Variants in CACNA1E observed in about 807,000 individuals in gnomAD.
The protein encoded by CACNA1E is calcium voltage-gated channel subunit alpha1 E.
CACNA1E carries 40 observed loss-of-function variants against 259.2 expected under a neutral mutation model. That is an observed-to-expected ratio of 0.15 (90% CI 0.12 to 0.20). The LOEUF is 0.20. Ranked by LOEUF, CACNA1E falls within the 10% of genes least tolerant of loss-of-function variation. The pLI is 1.00. For synonymous variants in CACNA1E, 1,104 were observed against 1,138.5 expected (o/e 0.97, Z 0.61); for missense variants, 1,874 against 3,040.1 (o/e 0.62, Z 9.02).
At chr1:181,439,026 T>A (rs1660271844) in intron 2 of CACNA1E, among the ~76,000 whole-genome samples, 1 of 152,118 alleles carries the variant, frequency 6.6e-6, no homozygotes, top group African/African-American at 2.4e-5. Context: ...TTCACAACAG[T>A]GTTGAGTAAA....
intron 6 of CACNA1E, among the ~76,000 whole-genome samples, chr1:181,619,135 C>T (rs3845436): frequency 0.42 from 63,306 of 151,606 alleles, 16,422 homozygotes; most frequent in East Asian, 0.85. Context: ...AAAAATAAAA[C>T]AGATAAATCA....
At chr1:181,511,943 A>G (rs1201515713) in intron 3 of CACNA1E, among the ~76,000 whole-genome samples, 2 of 152,196 alleles carry the variant, frequency 1.3e-5, no homozygotes, top group Admixed American at 6.5e-5. Context: ...GTTGGAGAAG[A>G]CCTCAGCCAT....
At chr1:181,608,708 G>C (rs1654463748) in intron 6 of CACNA1E, among the ~76,000 whole-genome samples, 1 of 152,182 alleles carries the variant, frequency 6.6e-6, no homozygotes, top group Non-Finnish European at 1.5e-5. Context: ...GGATTGCTTT[G>C]CTCGATGCCA....
intron 18 of CACNA1E, among the ~76,000 whole-genome samples, chr1:181,727,154 A>G (rs72735232): frequency 0.015 from 2,334 of 152,322 alleles, 34 homozygotes; most frequent in Non-Finnish European, 0.019. Context: ...TGATTGGGGA[A>G]GGTTGTTCGC....
chr1:181,700,399 C>T (rs1254639711), intron 7 of CACNA1E, among the ~76,000 whole-genome samples: 1 of 152,178 alleles, frequency 6.6e-6, no homozygotes, highest in East Asian at 1.9e-4. Flanking sequence ...TGCTTCTTGT[C>T]TGGTGGCTGC....
At chr1:181,417,164 C>T (rs1571817038) in intron 2 of CACNA1E, among the ~76,000 whole-genome samples, 1 of 152,156 alleles carries the variant, frequency 6.6e-6, no homozygotes, top group East Asian at 1.9e-4. Context: ...TTACTGCATC[C>T]ACAAGACACT....
At chr1:181,642,904 AT>A (rs1558219217) in intron 6 of CACNA1E, among the ~76,000 whole-genome samples, 1 of 151,618 alleles carries the variant, frequency 6.6e-6, no homozygotes, top group African/African-American at 2.4e-5. Context: ...TCTAATAATC[AT>A]TTTTTTCAAA....
chr1:181,543,746 A>G (rs915873611), intron 3 of CACNA1E, among the ~76,000 whole-genome samples: 2 of 152,250 alleles, frequency 1.3e-5, no homozygotes, highest in African/African-American at 2.4e-5. Flanking sequence ...GCAAGGCAAC[A>G]TCATTAGCCA....
At chr1:181,478,727 G>A (rs533104647), upstream of CACNA1E, among the ~76,000 whole-genome samples, 20 of 152,342 alleles carry the variant, frequency 1.3e-4, no homozygotes, top group East Asian at 3.7e-3. Context: ...CTCAGTGATG[G>A]GTGAAAAATC....
In CACNA1E at chr1:181,558,671, G is replaced by A. The variant is rs1648994128; in HGVS notation, c.513-19095G>A. Among the ~76,000 whole-genome samples the A allele has an allele frequency of 2.6e-5, 4 of 152,206 alleles. No individual in the cohort carries two copies. The South Asian group carries it at 8.3e-4, about 32-fold the overall frequency. On this transcript the variant is annotated intron_variant, in intron 3 of 47. Coordinates refer to ENST00000367573, the MANE Select transcript of CACNA1E (RefSeq NM_001205293.3). The stretch of plus-strand genomic sequence containing the variant: ...GGCGTGGCAAGAGGCTGGAAGACAA[G>A]GTGGAAGACAGATCATGACATTATT...
At chr1:181,394,509 G>A (rs754743310) in intron 1 of CACNA1E, among the ~76,000 whole-genome samples, 1 of 152,116 alleles carries the variant, frequency 6.6e-6, no homozygotes. Flanking sequence ...CATAGATACC[G>A]GCCCTTTTCT....
Position 181,485,906 on chromosome 1 carries a change from A to G in CACNA1E, c.266+1896A>G, listed in dbSNP as rs1279581498. 6.6e-6 allele frequency among the ~76,000 whole-genome samples: 1 copy of G among 152,246 alleles called. No homozygotes were observed. Among genetic ancestry groups the G allele is most frequent in the Admixed American group, 6.5e-5 (1 of 15,290 alleles). On this transcript the variant is annotated intron_variant, in intron 1 of 47. Transcript: ENST00000367573. The surrounding 1 kb of genome is among the most constrained non-coding windows in gnomAD (Gnocchi z 4.2). ...CCCGCGGGTGGCAAAGTGTGCCAGCAGCCATCGTTGGCACCTCGGACAGCG... is the reference window on the plus strand; with the variant it reads ...CCCGCGGGTGGCAAAGTGTGCCAGCGGCCATCGTTGGCACCTCGGACAGCG...
At position 181,807,903 on chromosome 1, in the gene CACNA1E, C is replaced by T. The variant is rs946004879; in HGVS notation, c.*9069C>T. ...TATCACCATTGGAGTTAGAATCTGACAACCTTTAACTTCACACTTTTATGA... is the reference window on the plus strand; with the variant it reads ...TATCACCATTGGAGTTAGAATCTGATAACCTTTAACTTCACACTTTTATGA... On this transcript the variant is annotated 3_prime_UTR_variant, in exon 48 of 48. Coordinates refer to ENST00000367573, the MANE Select transcript of CACNA1E (RefSeq NM_001205293.3). 6.6e-6 allele frequency: 1 copy of T among 152,150 alleles called. No individual in the cohort carries two copies. Among genetic ancestry groups the T allele is most frequent in the Non-Finnish European group, 1.5e-5 (1 of 68,032 alleles). The allele number at this position is 152,150 out of a possible 1,614,324, so 9.4% of individuals were successfully genotyped here.
chr1:181,544,653 C>A (rs1467067106), intron 3 of CACNA1E, among the ~76,000 whole-genome samples: 1 of 152,176 alleles, frequency 6.6e-6, no homozygotes, highest in East Asian at 1.9e-4. Flanking sequence ...TTTTAGCACC[C>A]TTCTCCCCCT....
intron 8 of CACNA1E, among the ~76,000 whole-genome samples, chr1:181,714,895 C>T (rs371999308): frequency 6.6e-6 from 1 of 152,174 alleles, no homozygotes; most frequent in Non-Finnish European, 1.5e-5. Context: ...AACATGGGCT[C>T]AGCTCCTGAA....
At chr1:181,616,464 C>CA (rs1406662779) in intron 6 of CACNA1E, among the ~76,000 whole-genome samples, 1 of 152,038 alleles carries the variant, frequency 6.6e-6, no homozygotes, top group Non-Finnish European at 1.5e-5. Flanking sequence ...CCTATAATCC[C>CA]AGCACTTTGG....
rs140794050 is a variant in CACNA1E, at chr1:181,584,160, C to A, written c.951+3384C>A. On this transcript the variant is annotated intron_variant, in intron 6 of 47. Transcript: ENST00000367573. ...CTCTTTTATTGTATCAGGACTAATT[C>A]CCAGATTGCAGAGGTTCCCAGTCCC... 1.0e-3 allele frequency among the ~76,000 whole-genome samples: 155 copies of A among 152,256 alleles called. 1 individual carries two copies. The highest frequency in any genetic ancestry group is 3.7e-3 in the African/African-American group (154 of 41,542).
intron 7 of CACNA1E, among the ~76,000 whole-genome samples, chr1:181,654,861 G>A (rs1226716530): frequency 6.6e-6 from 1 of 151,878 alleles, no homozygotes; most frequent in Non-Finnish European, 1.5e-5. Flanking sequence ...GCGGGCGCCT[G>A]TAGTCCCAGC....
intron 7 of CACNA1E, among the ~76,000 whole-genome samples, chr1:181,662,155 G>A (rs1170559359): frequency 1.3e-5 from 2 of 152,184 alleles, no homozygotes; most frequent in Non-Finnish European, 2.9e-5. Flanking sequence ...GCTTATGGGA[G>A]CTTGCTGAGA....
Sources: allele counts gnomAD v4.1 joint callset (sites outside exome capture counted in the v4.1 genomes callset), GRCh38; gene constraint gnomAD v4.1.1; non-coding constraint Gnocchi (gnomAD v3.1); transcripts MANE v1.5; gene names NCBI Gene and HGNC (gene_info 2026-07-23, HGNC 2026-07-21).